Variants in EYA4 observed in about 807,000 individuals in gnomAD.
The protein encoded by EYA4 is protein phosphatase EYA4.
A neutral mutation model predicts 87.9 loss-of-function variants in EYA4; 31 were observed. That is an observed-to-expected ratio of 0.35 (90% CI 0.27 to 0.48). The LOEUF is 0.48. Among genes scored for constraint, EYA4 ranks in the 20% least tolerant of loss-of-function variants. EYA4 has a pLI of 0.99. For missense variants in EYA4, 678 were observed against 761.4 expected (o/e 0.89, Z 1.29); for synonymous variants, 263 against 270.6 (o/e 0.97, Z 0.28).
chr6:133,313,664 A>T lies in EYA4; in HGVS notation c.33+38851A>T, dbSNP rs182555252. Among the ~76,000 whole-genome samples the T allele has an allele frequency of 4.3e-4, 65 of 152,340 alleles. No individual in the cohort carries two copies. The Middle Eastern group carries it at 0.014, about 32-fold the overall frequency. ...TGCTAACCAAGATTCAGCTATTCAG[A>T]TAACTTTAGAGCTGTAAAATATATT... On this transcript the variant is annotated intron_variant, in intron 2 of 19. Coordinates refer to ENST00000355286, the MANE Select transcript of EYA4 (RefSeq NM_004100.5).
intron 1 of EYA4, among the ~76,000 whole-genome samples, chr6:133,250,684 A>G (rs1774824267): frequency 6.6e-6 from 1 of 152,096 alleles, no homozygotes; most frequent in African/African-American, 2.4e-5. Context: ...ATATGGAGCC[A>G]GGCACTTGGG....
At chr6:133,336,162 A>G (rs1180084293) in intron 2 of EYA4, among the ~76,000 whole-genome samples, 8 of 152,190 alleles carry the variant, frequency 5.3e-5, no homozygotes. Flanking sequence ...GGTGTCATTA[A>G]CAGATGCTAA....
intron 3 of EYA4, among the ~76,000 whole-genome samples, chr6:133,420,572 A>T (rs1015747821): frequency 3.7e-4 from 57 of 152,222 alleles, no homozygotes; most frequent in African/African-American, 1.4e-3. Context: ...CTGCCTGCCC[A>T]CTTAGACTTA....
chr6:133,456,729 C>T, intron 6 of EYA4, 81 bp downstream of exon 6: 1 of 851,116 alleles, frequency 1.2e-6, no homozygotes, highest in South Asian at 1.4e-5. Flanking sequence ...GCAACATAAG[C>T]ATCCAAGCTC....
intron 2 of EYA4, among the ~76,000 whole-genome samples, chr6:133,276,763 C>G (rs896850790): frequency 3.3e-5 from 5 of 152,062 alleles, no homozygotes; most frequent in African/African-American, 4.8e-5. Context: ...AAATGACTTG[C>G]CCATGTTGGC....
intron 3 of EYA4, chr6:133,435,686 C>T (rs1392894418): frequency 6.6e-6 from 1 of 152,190 alleles, no homozygotes; most frequent in Non-Finnish European, 1.5e-5. Flanking sequence ...TTTTTAAATG[C>T]CCGTACTTTT....
chr6:133,426,568 G>T (rs1790691844), intron 3 of EYA4, among the ~76,000 whole-genome samples: 1 of 152,114 alleles, frequency 6.6e-6, no homozygotes, highest in South Asian at 2.1e-4. Flanking sequence ...ATCTTGCAAA[G>T]ACTGCTTTAA....
chr6:133,395,785 C>A (rs1454231349), intron 3 of EYA4, among the ~76,000 whole-genome samples: 1 of 152,046 alleles, frequency 6.6e-6, no homozygotes, highest in Non-Finnish European at 1.5e-5. Context: ...AATAAAAACC[C>A]TCTAAGTTTG....
intron 3 of EYA4, among the ~76,000 whole-genome samples, chr6:133,428,687 T>C (rs1790891583): frequency 6.6e-6 from 1 of 152,064 alleles, no homozygotes; most frequent in East Asian, 1.9e-4. Flanking sequence ...TGACTGGTAA[T>C]ACAAGTCAGA....
intron 1 of EYA4, among the ~76,000 whole-genome samples, chr6:133,268,511 G>A (rs1371126548): frequency 1.3e-5 from 2 of 152,138 alleles, no homozygotes; most frequent in Non-Finnish European, 2.9e-5. Context: ...AAAGGAGAAG[G>A]CCAGCCACAG....
intron 2 of EYA4, among the ~76,000 whole-genome samples, chr6:133,363,847 G>A (rs1784656283): frequency 6.6e-6 from 1 of 152,194 alleles, no homozygotes; most frequent in Non-Finnish European, 1.5e-5. Context: ...CAAGGGAAGG[G>A]CCCAACAGGC....
intron 13 of EYA4, among the ~76,000 whole-genome samples, chr6:133,485,267 C>A (rs553164722): frequency 3.3e-5 from 5 of 152,010 alleles, no homozygotes; most frequent in African/African-American, 4.8e-5. Context: ...AAAATAGAGA[C>A]TCTCTATGCA....
At chr6:133,383,944 G>C (rs1786479694) in intron 3 of EYA4, among the ~76,000 whole-genome samples, 1 of 152,146 alleles carries the variant, frequency 6.6e-6, no homozygotes, top group Non-Finnish European at 1.5e-5. Context: ...ACCTATATAA[G>C]TGACCTACCT....
chr6:133,473,778 GC>G (rs1225914149), intron 11 of EYA4, among the ~76,000 whole-genome samples: 2 of 151,966 alleles, frequency 1.3e-5, no homozygotes, highest in East Asian at 3.9e-4. Flanking sequence ...TGTACCCCTT[GC>G]AGGGCCAGGA....
chr6:133,340,119 A>G (rs556784565), intron 2 of EYA4, among the ~76,000 whole-genome samples: 1 of 152,194 alleles, frequency 6.6e-6, no homozygotes, highest in African/African-American at 2.4e-5. Flanking sequence ...TATCCATTAC[A>G]GGGGTTAAAA....
chr6:133,294,581 A>G (rs1202027898), intron 2 of EYA4, among the ~76,000 whole-genome samples: 1 of 150,508 alleles, frequency 6.6e-6, no homozygotes, highest in East Asian at 2.0e-4. Flanking sequence ...TTTTAATTTT[A>G]TTTTGAAATG....
intron 11 of EYA4, among the ~76,000 whole-genome samples, chr6:133,470,069 T>C (rs1270978934): frequency 1.3e-5 from 2 of 150,962 alleles, no homozygotes; most frequent in Non-Finnish European, 2.9e-5. Flanking sequence ...TAGTTTCTTT[T>C]GCTGTGCAGA....
chr6:133,433,722 G>A (rs961414151), intron 3 of EYA4, among the ~76,000 whole-genome samples: 6 of 152,194 alleles, frequency 3.9e-5, no homozygotes, highest in Admixed American at 2.6e-4. Flanking sequence ...AACTTCACTG[G>A]GAAAGAGGAC....
At chr6:133,273,884 T>C (rs1373325597) in intron 1 of EYA4, among the ~76,000 whole-genome samples, 3 of 152,036 alleles carry the variant, frequency 2.0e-5, no homozygotes, top group African/African-American at 7.2e-5. Flanking sequence ...TTCTGTGCCT[T>C]TTAATTTTCA....
Sources: gnomAD v4.1 joint callset for allele counts (sites outside exome capture counted in the v4.1 genomes callset) on GRCh38, gnomAD v4.1.1 for gene constraint, MANE v1.5 for transcripts, NCBI Gene and HGNC (gene_info 2026-07-23, HGNC 2026-07-21) for gene names.